The following SRL variants were observed in gnomAD, a reference collection of about 807,000 sequenced individuals.
The protein encoded by SRL is sarcalumenin.
Under a neutral mutation model 39.5 loss-of-function variants are expected in SRL, and 23 were observed. That is an observed-to-expected ratio of 0.58 (90% CI 0.42 to 0.82). The LOEUF (loss-of-function observed/expected upper bound fraction) is 0.82, where lower values mean the gene tolerates loss of function less well. Among genes scored for constraint, SRL ranks in the 40% least tolerant of loss-of-function variants. The pLI is 0.00. For synonymous variants in SRL, 272 were observed against 237.4 expected (o/e 1.15, Z -1.34); for missense variants, 592 against 607.8 (o/e 0.97, Z 0.27).
rs1048171544 is a variant in SRL at position 4,191,134 on chromosome 16, C to G, written c.*1019G>C. On this transcript the variant is annotated 3_prime_UTR_variant, in exon 6 of 6. Transcript: ENST00000399609. Reference sequence around the variant, plus strand: ...AAATTACCTGGATACACCAACCAGTCCCCTCCTGGGTCCGATGAAGGGATC... The same window carrying G: ...AAATTACCTGGATACACCAACCAGTGCCCTCCTGGGTCCGATGAAGGGATC... 6.6e-6 allele frequency: 1 copy of G among 152,338 alleles called. No homozygotes were observed. The highest frequency in any genetic ancestry group is 2.4e-5 in the African/African-American group (1 of 41,456). 9.4% of individuals were successfully genotyped at this position (152,338 alleles called of 1,614,324 possible). A position where few individuals can be genotyped will look rare whatever the true frequency, so the allele number is the denominator to read the frequency against.
chr16:4,197,596 AT>A lies in SRL; in HGVS notation c.376+202del, dbSNP rs201796992. ...GTCACCATGCTTAGCTAATTTTTGTATTTTTTTTTTAGTAGAGATGGGTTTT... is the reference window on the plus strand; with the variant it reads ...GTCACCATGCTTAGCTAATTTTTGTATTTTTTTTTAGTAGAGATGGGTTTT... On this transcript the variant is annotated intron_variant, in intron 4 of 5. Transcript: ENST00000399609. 2.8e-4 allele frequency among the ~76,000 whole-genome samples: 38 copies of A among 135,832 alleles called. No individual in the cohort carries two copies. The East Asian group carries it at 3.4e-3, about 12-fold the overall frequency. 89.1% of individuals were successfully genotyped at this position (135,832 alleles called of 152,430 possible). A position where few individuals can be genotyped will look rare whatever the true frequency, so the allele number is the denominator to read the frequency against.
At chr16:4,216,754 G>A (rs73497150) in intron 1 of SRL, among the ~76,000 whole-genome samples, 8,830 of 152,240 alleles carry the variant, frequency 0.058, 842 homozygotes, top group African/African-American at 0.2. Flanking sequence ...TCCCTTCAGA[G>A]GGGCCGAGCT....
chr16:4,220,278 A>AACACACACAC (rs71394664), intron 1 of SRL, among the ~76,000 whole-genome samples: 3,150 of 140,744 alleles, frequency 0.022, 60 homozygotes, highest in Middle Eastern at 0.038. Flanking sequence ...TCTCTACTAA[A>AACACACACAC]ACACACACAC....
chr16:4,203,741 T>C (rs1165031613), intron 2 of SRL, among the ~76,000 whole-genome samples: 1 of 152,186 alleles, frequency 6.6e-6, no homozygotes, highest in African/African-American at 2.4e-5. Context: ...GTAGTGTGTC[T>C]GAAACCTTGT....
chr16:4,216,446 A>G (rs969719467), intron 1 of SRL, among the ~76,000 whole-genome samples: 2 of 151,628 alleles, frequency 1.3e-5, no homozygotes, highest in African/African-American at 4.9e-5. Context: ...TAATTTTTGT[A>G]TTTTTTGTAG....
intron 4 of SRL, among the ~76,000 whole-genome samples, chr16:4,197,083 T>TTGTTGGTG (rs2052158963): frequency 1.4e-5 from 1 of 69,792 alleles, no homozygotes; most frequent in Non-Finnish European, 2.8e-5. Flanking sequence ...TTTTTTTTTT[T>TTGTTGGTG]TGTGAGACAG....
intron 1 of SRL, among the ~76,000 whole-genome samples, chr16:4,228,894 C>G (rs1597293820): frequency 6.6e-6 from 1 of 152,264 alleles, no homozygotes; most frequent in Admixed American, 6.5e-5. Context: ...ACCCCAGACT[C>G]TGGGTTTGGG....
chr16:4,219,200 T>G (rs897472954), intron 1 of SRL, among the ~76,000 whole-genome samples: 1 of 152,238 alleles, frequency 6.6e-6, no homozygotes, highest in Non-Finnish European at 1.5e-5. Flanking sequence ...GCCAGTGCAC[T>G]GGGACAAAGC....
intron 5 of SRL, among the ~76,000 whole-genome samples, chr16:4,195,223 G>A (rs975357905): frequency 6.6e-6 from 1 of 152,080 alleles, no homozygotes; most frequent in Admixed American, 6.6e-5. Context: ...ATATAAGTTA[G>A]GGTCTCACTC....
At chr16:4,199,041 G>A (rs1485448276) in intron 3 of SRL, among the ~76,000 whole-genome samples, 1 of 152,094 alleles carries the variant, frequency 6.6e-6, no homozygotes, top group East Asian at 1.9e-4. Flanking sequence ...GCTCTTCTCT[G>A]GACTACAGCA....
At chr16:4,209,664 C>T (rs542292554) in intron 1 of SRL, among the ~76,000 whole-genome samples, 23 of 152,316 alleles carry the variant, frequency 1.5e-4, no homozygotes, top group African/African-American at 4.6e-4. Context: ...AGACAGCTAG[C>T]CTGTTGTCGA....
chr16:4,228,555 G>A (rs1195799649), intron 1 of SRL, among the ~76,000 whole-genome samples: 2 of 151,902 alleles, frequency 1.3e-5, no homozygotes, highest in African/African-American at 2.4e-5. Flanking sequence ...CTAACACGGT[G>A]AAACCCCGTC....
Position 4,220,635 on chromosome 16 carries a change from C to A in SRL, c.62-16001G>T, listed in dbSNP as rs370344387. Among the ~76,000 whole-genome samples, 480 of 152,302 alleles carry A rather than the reference C, an allele frequency of 3.2e-3. 1 individual carries two copies. The highest frequency in any genetic ancestry group is 4.4e-3 in the Non-Finnish European group (299 of 68,030). ...GGCTCCCTCTCTGGATATCCCACCC[C>A]AGGGAGAAATCATCATTCAACCCAA... On this transcript the variant is annotated intron_variant, in intron 1 of 5. Coordinates refer to ENST00000399609, the MANE Select transcript of SRL (RefSeq NM_001098814.2).
chr16:4,195,099 T>C (rs1241024204), intron 5 of SRL, among the ~76,000 whole-genome samples: 1 of 152,106 alleles, frequency 6.6e-6, no homozygotes, highest in East Asian at 1.9e-4. Flanking sequence ...TTTGCCATGT[T>C]GTCCAAGCTG....
chr16:4,239,803 G>A (rs1247653428), intron 1 of SRL: 1 of 152,264 alleles, frequency 6.6e-6, no homozygotes, highest in Non-Finnish European at 1.5e-5. Context: ...ATGGTGGGGA[G>A]ACCGATCAAA....
At chr16:4,223,646 A>G (rs1481070171) in intron 1 of SRL, among the ~76,000 whole-genome samples, 1 of 151,116 alleles carries the variant, frequency 6.6e-6, no homozygotes, top group Admixed American at 6.6e-5. Flanking sequence ...TGGGCCTCCC[A>G]TAGGGCTGAG....
At position 4,190,436 on chromosome 16, in the gene SRL, C is replaced by T. The variant is rs1207380199; in HGVS notation, c.*1717G>A. ...AAGCGGCTGGCTGTGTACAAAGGAG[C>T]CCCTCGAGGCAGCCCGGGCTGGGTC... is the stretch of plus-strand genomic sequence containing the variant. On this transcript the variant is annotated 3_prime_UTR_variant, in exon 6 of 6. Transcript: ENST00000399609. 2.5e-6 allele frequency: 1 copy of T among 398,750 alleles called. No individual in the cohort carries two copies. Among genetic ancestry groups the T allele is most frequent in the Non-Finnish European group, 4.4e-6 (1 of 226,182 alleles). The allele number at this position is 398,750 out of a possible 1,614,324, so 24.7% of individuals were successfully genotyped here.
intron 3 of SRL, among the ~76,000 whole-genome samples, chr16:4,199,422 AGTGCAGT>A (rs2052192920): frequency 7.9e-6 from 1 of 126,270 alleles, no homozygotes; most frequent in Non-Finnish European, 1.6e-5. Flanking sequence ...CCCAAACCAC[AGTGCAGT>A]GGTGTGATCA....
chr16:4,195,467 G>A, intron 5 of SRL, 86 bp downstream of exon 5: 4 of 1,334,876 alleles, frequency 3.0e-6, no homozygotes, highest in Non-Finnish European at 4.2e-6. Context: ...CAAAGAGTTG[G>A]GATCACAGGC....
Sources: gnomAD v4.1 joint callset for allele counts (sites outside exome capture counted in the v4.1 genomes callset) on GRCh38, gnomAD v4.1.1 for gene constraint, MANE v1.5 for transcripts, NCBI Gene and HGNC (gene_info 2026-07-23, HGNC 2026-07-21) for gene names.